Variants in RXRA observed in about 807,000 individuals in gnomAD.
RXRA encodes retinoic acid receptor RXR-alpha.
A neutral mutation model predicts 44.5 loss-of-function variants in RXRA; 5 were observed. The observed-to-expected ratio is 0.11, with a 90% CI of 0.06 to 0.24. The LOEUF is 0.24. RXRA is among the 10% of genes least tolerant of loss of function. The probability of loss-of-function intolerance (pLI) is 1.00; values close to 1 mark genes in which losing one functional copy is unlikely to be tolerated. For missense variants in RXRA, 412 were observed against 646.5 expected (o/e 0.64, Z 3.93); for synonymous variants, 291 against 271.4 (o/e 1.07, Z -0.71).
At chr9:134,408,835 T>G in intron 3 of RXRA, 105 bp from the exon 4 acceptor site, 6 of 1,117,494 alleles carry the variant, frequency 5.4e-6, no homozygotes, top group Non-Finnish European at 7.5e-6. Flanking sequence ...GCAGGTCCCT[T>G]TCTGAGGCCT....
At chr9:134,361,795 C>T (rs1396077092) in intron 1 of RXRA, among the ~76,000 whole-genome samples, 1 of 152,164 alleles carries the variant, frequency 6.6e-6, no homozygotes, top group Non-Finnish European at 1.5e-5. Flanking sequence ...GCAGAATGTT[C>T]CGGAACAGGG....
intron 1 of RXRA, among the ~76,000 whole-genome samples, chr9:134,351,786 G>A (rs1380509506): frequency 6.6e-6 from 1 of 152,274 alleles, no homozygotes; most frequent in Non-Finnish European, 1.5e-5. Context: ...AACGCGAGGT[G>A]AATGACATGG....
chr9:134,353,415 C>T (rs538306458), intron 1 of RXRA, among the ~76,000 whole-genome samples: 10 of 152,160 alleles, frequency 6.6e-5, no homozygotes, highest in Non-Finnish European at 1.3e-4. Context: ...TGTGTGTGCA[C>T]GGCCCCATGC....
intron 1 of RXRA, among the ~76,000 whole-genome samples, chr9:134,344,760 T>A (rs980555416): frequency 6.6e-6 from 1 of 152,192 alleles, no homozygotes; most frequent in Admixed American, 6.5e-5. Context: ...AGCAACCAGC[T>A]TCCCACTCTG....
chr9:134,402,266 C>G (rs1321242090), intron 2 of RXRA: 5 of 234,138 alleles, frequency 2.1e-5, no homozygotes, highest in African/African-American at 2.3e-5. Flanking sequence ...TGGGTCCTCC[C>G]CTGAAGTCTC....
intron 1 of RXRA, among the ~76,000 whole-genome samples, chr9:134,388,360 TC>T (rs1200309854): frequency 6.6e-6 from 1 of 151,848 alleles, no homozygotes; most frequent in Non-Finnish European, 1.5e-5. Context: ...TGGTGCTGGG[TC>T]AGGCACTCTG....
chr9:134,418,543 C>G (rs10776896), intron 5 of RXRA, among the ~76,000 whole-genome samples: 1 of 151,822 alleles, frequency 6.6e-6, no homozygotes, highest in Non-Finnish European at 1.5e-5. Context: ...TGTCTCCCCA[C>G]CCCCCAGGGC....
rs556520469 is a variant in RXRA at position 134,413,000 on chromosome 9, CGTGTGTGCAT to C, written c.610+3885_610+3894del. 4.1e-3 allele frequency among the ~76,000 whole-genome samples: 626 copies of C among 152,316 alleles called. 4 individuals are homozygous for C. The highest frequency in any genetic ancestry group is 0.014 in the African/African-American group (601 of 41,574). ...TGGCGTGTGTGCACCTATGTGTGCACGTGTGTGCATGTGCGTGCACTGCAGGGATGTGGCT... is the reference window on the plus strand; with the variant it reads ...TGGCGTGTGTGCACCTATGTGTGCACGTGCGTGCACTGCAGGGATGTGGCT... On this transcript the variant is annotated intron_variant, in intron 4 of 9. Coordinates refer to ENST00000481739, the MANE Select transcript of RXRA (RefSeq NM_002957.6).
In RXRA at chr9:134,400,848, C is replaced by T. The variant is rs566687084; in HGVS notation, c.29-784C>T. Among the ~76,000 whole-genome samples, 16 of 152,300 alleles carry T rather than the reference C, an allele frequency of 1.1e-4. No individual in the cohort carries two copies. The East Asian group carries it at 1.2e-3, about 11-fold the overall frequency. On this transcript the variant is annotated intron_variant, in intron 1 of 9. Transcript: ENST00000481739. ...AGCCACCCAGCAGCGTCCAGCCCAC[C>T]GCCCACGTGAGAGGTGCCCCATTCC... is the stretch of plus-strand genomic sequence containing the variant.
At chr9:134,368,578 A>G (rs1830444867) in intron 1 of RXRA, among the ~76,000 whole-genome samples, 1 of 151,132 alleles carries the variant, frequency 6.6e-6, no homozygotes, top group South Asian at 2.1e-4. Context: ...ATGTATAGGT[A>G]TGTGTGACTG....
intron 1 of RXRA, among the ~76,000 whole-genome samples, chr9:134,393,865 C>T (rs1422140483): frequency 1.3e-5 from 2 of 152,134 alleles, no homozygotes; most frequent in African/African-American, 4.8e-5. Context: ...CTGGGTCTAA[C>T]CCCAGCGCCC....
rs528782083 is a variant in RXRA at position 134,354,533 on chromosome 9, C to G, written c.28+27874C>G. Reference sequence around the variant, plus strand: ...TTGAAGATGAGGAGCTTTTAAGATTCCTGGTACCCAGGCCACACCCCAGAC... The same window carrying G: ...TTGAAGATGAGGAGCTTTTAAGATTGCTGGTACCCAGGCCACACCCCAGAC... On this transcript the variant is annotated intron_variant, in intron 1 of 9. Coordinates refer to ENST00000481739, the MANE Select transcript of RXRA (RefSeq NM_002957.6). Among the ~76,000 whole-genome samples the G allele has an allele frequency of 1.1e-4, 17 of 152,312 alleles. No individual in the cohort carries two copies. The East Asian group carries it at 2.5e-3, about 23-fold the overall frequency.
At chr9:134,359,283 G>C (rs1830320533) in intron 1 of RXRA, among the ~76,000 whole-genome samples, 1 of 152,142 alleles carries the variant, frequency 6.6e-6, no homozygotes, top group African/African-American at 2.4e-5. Flanking sequence ...TTGGCTGTGA[G>C]ATGGGTGTGC....
intron 1 of RXRA, among the ~76,000 whole-genome samples, chr9:134,336,831 T>C (rs1377627108): frequency 1.3e-5 from 2 of 152,228 alleles, no homozygotes; most frequent in African/African-American, 4.8e-5. Context: ...AAAGTTGATT[T>C]CTCAAATCGT....
At chr9:134,347,118 G>A (rs1212656651) in intron 1 of RXRA, among the ~76,000 whole-genome samples, 2 of 151,480 alleles carry the variant, frequency 1.3e-5, no homozygotes, top group Non-Finnish European at 2.9e-5. Flanking sequence ...TGGAGGTGAC[G>A]GGCAAGGGTG....
At chr9:134,340,819 G>A (rs1044393792) in intron 1 of RXRA, among the ~76,000 whole-genome samples, 2 of 152,198 alleles carry the variant, frequency 1.3e-5, no homozygotes, top group African/African-American at 4.8e-5. Flanking sequence ...GGAATTCTGC[G>A]CCCTGGGAGA....
At chr9:134,395,639 G>A (rs929423732) in intron 1 of RXRA, among the ~76,000 whole-genome samples, 7 of 152,226 alleles carry the variant, frequency 4.6e-5, no homozygotes, top group Admixed American at 2.0e-4. Context: ...CCATGTTCCC[G>A]CAGGTGGGTG....
At chr9:134,377,349 A>C (rs941917291) in intron 1 of RXRA, among the ~76,000 whole-genome samples, 7 of 152,218 alleles carry the variant, frequency 4.6e-5, no homozygotes, top group African/African-American at 1.2e-4. Flanking sequence ...TGCCTGACCA[A>C]GGGCAGGTGG....
At position 134,343,890 on chromosome 9, in the gene RXRA, A is replaced by T. The variant is rs1482924106; in HGVS notation, c.28+17231A>T. ...AGATGGGCTCCTCTGGCGTCTTCTC[A>T]CCTTCTGGCCGGTCATTGGCCCTCG... On this transcript the variant is annotated intron_variant, in intron 1 of 9. Coordinates refer to ENST00000481739, the MANE Select transcript of RXRA (RefSeq NM_002957.6). This position sits in a 1 kb window ranked among gnomAD's most constrained non-coding sequence, Gnocchi z 4.1. Among the ~76,000 whole-genome samples the T allele has an allele frequency of 7.2e-5, 11 of 151,968 alleles. No homozygotes were observed. The highest frequency in any genetic ancestry group is 2.7e-4 in the African/African-American group (11 of 41,352).
Sources: gnomAD v4.1 joint callset for allele counts (sites outside exome capture counted in the v4.1 genomes callset) on GRCh38, gnomAD v4.1.1 for gene constraint, Gnocchi (gnomAD v3.1) non-coding constraint, MANE v1.5 for transcripts, NCBI Gene and HGNC (gene_info 2026-07-23, HGNC 2026-07-21) for gene names.